The following FUT8 variants were observed in gnomAD, a reference collection of about 807,000 sequenced individuals.
The protein encoded by FUT8 is alpha-(1,6)-fucosyltransferase.
FUT8 carries 29 observed loss-of-function variants against 71.3 expected under a neutral mutation model. The observed-to-expected ratio is 0.41, with a 90% CI of 0.30 to 0.55. FUT8 has a LOEUF of 0.55. Ranked by LOEUF, FUT8 falls within the 20% of genes least tolerant of loss-of-function variation. The pLI is 0.34. For missense variants in FUT8, 544 were observed against 702.1 expected, an observed-to-expected ratio of 0.77 and a Z score of 2.55; for synonymous variants, 254 against 239.3, an observed-to-expected ratio of 1.06 and a Z score of -0.57.
chr14:65,507,962 T>C (rs1882037649), intron 2 of FUT8, among the ~76,000 whole-genome samples: 1 of 152,184 alleles, frequency 6.6e-6, no homozygotes, highest in Admixed American at 6.5e-5. Flanking sequence ...TTTGCCAGCA[T>C]TGATTATTGC....
At chr14:65,509,941 A>G (rs1329706359) in intron 2 of FUT8, among the ~76,000 whole-genome samples, 8 of 152,064 alleles carry the variant, frequency 5.3e-5, no homozygotes, top group Non-Finnish European at 1.0e-4. Flanking sequence ...CTCTTGTCTA[A>G]TTGCTCTAGC....
At chr14:65,363,899 C>G in the FUT8 span, among the ~76,000 whole-genome samples, 1 of 152,222 alleles carries the variant, frequency 6.6e-6, no homozygotes, top group Non-Finnish European at 1.5e-5. Context: ...CTCTTGTTAA[C>G]CTGTCTTTTG....
rs2139714294 is a variant in FUT8 at position 65,489,269 on chromosome 14, C to A, written c.-228+33551C>A. On this transcript the variant is annotated intron_variant, in intron 2 of 10. Coordinates refer to ENST00000673929, the MANE Select transcript of FUT8 (RefSeq NM_001371533.1). This position sits in a 1 kb window ranked among gnomAD's most constrained non-coding sequence, Gnocchi z 4.0. Reference sequence around the variant, plus strand: ...AACATGTTACTTTGTTCCCTAACCTCATTCTCCTCCACCTGTAACAATGGT... The same window carrying A: ...AACATGTTACTTTGTTCCCTAACCTAATTCTCCTCCACCTGTAACAATGGT... 6.6e-6 allele frequency among the ~76,000 whole-genome samples: 1 copy of A among 152,272 alleles called. No individual in the cohort carries two copies. The highest frequency in any genetic ancestry group is 2.1e-4 in the South Asian group (1 of 4,830).
chr14:65,373,202 G>A, the FUT8 span, among the ~76,000 whole-genome samples: 1 of 151,664 alleles, frequency 6.6e-6, no homozygotes, highest in East Asian at 1.9e-4. Context: ...ACAGGATGCA[G>A]GAGGGTGGAG....
chr14:65,442,350 A>G (rs2065673513), intron 1 of FUT8, among the ~76,000 whole-genome samples: 1 of 151,442 alleles, frequency 6.6e-6, no homozygotes, highest in Non-Finnish European at 1.5e-5. Flanking sequence ...CAATTTTTGT[A>G]TTTTGTATTT....
chr14:65,516,405 A>G (rs1325936598), intron 2 of FUT8: 1 of 152,184 alleles, frequency 6.6e-6, no homozygotes, highest in East Asian at 1.9e-4. Context: ...TTATGTGTAA[A>G]TGTTAAAGAC....
chr14:65,364,020 C>T, the FUT8 span, among the ~76,000 whole-genome samples: 2 of 152,312 alleles, frequency 1.3e-5, no homozygotes, highest in Admixed American at 1.3e-4. Flanking sequence ...CAGGGGTCCA[C>T]ATTTTTAGAA....
intron 1 of FUT8, among the ~76,000 whole-genome samples, chr14:65,447,291 CAAA>C (rs999240365): frequency 3.7e-5 from 3 of 81,826 alleles, no homozygotes; most frequent in Non-Finnish European, 5.1e-5. Context: ...GAGACTCTCT[CAAA>C]AAAAAAAAAA....
At chr14:65,426,833 GCA>G (rs2065395667) in intron 1 of FUT8, among the ~76,000 whole-genome samples, 1 of 152,084 alleles carries the variant, frequency 6.6e-6, no homozygotes, top group Non-Finnish European at 1.5e-5. Context: ...GTGTGAGCAT[GCA>G]CACACACATG....
intron 1 of FUT8, among the ~76,000 whole-genome samples, chr14:65,435,882 T>C (rs1432440988): frequency 6.6e-6 from 1 of 151,804 alleles, no homozygotes; most frequent in Non-Finnish European, 1.5e-5. Flanking sequence ...CAATTGACTT[T>C]TGGTGTATTT....
intron 7 of FUT8, among the ~76,000 whole-genome samples, chr14:65,705,488 C>G (rs1403041004): frequency 6.6e-6 from 1 of 152,210 alleles, no homozygotes; most frequent in Non-Finnish European, 1.5e-5. Context: ...CTCACCATAG[C>G]TAGTTAGCTT....
intron 1 of FUT8, among the ~76,000 whole-genome samples, chr14:65,426,736 A>T (rs1207945030): frequency 1.3e-5 from 2 of 152,184 alleles, no homozygotes; most frequent in Non-Finnish European, 2.9e-5. Flanking sequence ...AGTGCCTTTG[A>T]CTCAAAATAG....
chr14:65,427,032 T>C (rs2065399800), intron 1 of FUT8, among the ~76,000 whole-genome samples: 1 of 151,940 alleles, frequency 6.6e-6, no homozygotes, highest in African/African-American at 2.4e-5. Flanking sequence ...CTAATTTTGT[T>C]TTTGTATTTT....
At chr14:65,452,440 C>T (rs2065841910) in intron 1 of FUT8, among the ~76,000 whole-genome samples, 1 of 152,176 alleles carries the variant, frequency 6.6e-6, no homozygotes, top group South Asian at 2.1e-4. Flanking sequence ...GTTGCTCTAG[C>T]TCACACCTAG....
At chr14:65,673,227 C>G (rs1011848986) in intron 7 of FUT8, among the ~76,000 whole-genome samples, 1 of 152,166 alleles carries the variant, frequency 6.6e-6, no homozygotes, top group Non-Finnish European at 1.5e-5. Context: ...CTCTCCATGC[C>G]TCATTTCCAA....
At chr14:65,698,511 G>A (rs1476750766) in intron 7 of FUT8, among the ~76,000 whole-genome samples, 10 of 152,174 alleles carry the variant, frequency 6.6e-5, no homozygotes, top group African/African-American at 2.2e-4. Context: ...AGCTTAGCAA[G>A]TATTTATATT....
chr14:65,590,550 A>G (rs547393978), intron 3 of FUT8, among the ~76,000 whole-genome samples: 2 of 152,318 alleles, frequency 1.3e-5, no homozygotes, highest in Non-Finnish European at 2.9e-5. Context: ...TTAATTGCCT[A>G]GATGGGAGCC....
Position 65,719,704 on chromosome 14 carries a change from A to T in FUT8, c.836-2071A>T, listed in dbSNP as rs561919793. On this transcript the variant is annotated intron_variant, in intron 7 of 10. Transcript: ENST00000673929. ...CCCGATAATGCTGTGGTTCTTACAG[A>T]CTTGCAGAGGTACTACCTTTGTGGT... Among the ~76,000 whole-genome samples, 139 of 152,352 alleles carry T rather than the reference A, an allele frequency of 9.1e-4. 2 individuals are homozygous for T. Among genetic ancestry groups the T allele is most frequent in the South Asian group, 2.3e-3 (11 of 4,826 alleles).
At position 65,660,652 on chromosome 14, in the gene FUT8, C is replaced by T. The variant is rs185696484; in HGVS notation, c.598-8591C>T. Among the ~76,000 whole-genome samples the T allele has an allele frequency of 4.6e-3, 695 of 152,244 alleles. 5 individuals are homozygous for T. Among genetic ancestry groups the T allele is most frequent in the Non-Finnish European group, 7.9e-3 (540 of 68,010 alleles). On this transcript the variant is annotated intron_variant, in intron 6 of 10. Transcript: ENST00000673929. This position sits in a 1 kb window ranked among gnomAD's most constrained non-coding sequence, Gnocchi z 4.1. ...TTGGTACAGATTAGATTGTTCTTTG[C>T]TAGAGGGGTGGAAAGGATGCCTTAG... is the stretch of plus-strand genomic sequence containing the variant.
Sources: gnomAD v4.1 joint callset for allele counts (sites outside exome capture counted in the v4.1 genomes callset) on GRCh38, gnomAD v4.1.1 for gene constraint, Gnocchi (gnomAD v3.1) non-coding constraint, MANE v1.5 for transcripts, NCBI Gene and HGNC (gene_info 2026-07-23, HGNC 2026-07-21) for gene names.